SEMA5A: variants seen among roughly 807,000 people sequenced by gnomAD.
SEMA5A encodes the protein semaphorin 5A.
In SEMA5A, 55 loss-of-function variants were observed where a neutral mutation model predicts 135.5. That is an observed-to-expected ratio of 0.41 (90% CI 0.33 to 0.51). SEMA5A has a LOEUF of 0.51. Among genes scored for constraint, SEMA5A ranks in the 20% least tolerant of loss-of-function variants. The pLI, the probability that SEMA5A is intolerant of heterozygous loss-of-function variation, is 0.37. For missense variants in SEMA5A, 1,290 were observed against 1,419.9 expected, an observed-to-expected ratio of 0.91 and a Z score of 1.47; for synonymous variants, 580 against 546.5, an observed-to-expected ratio of 1.06 and a Z score of -0.85.
chr5:9,365,574 A>C (rs77685508), intron 3 of SEMA5A, among the ~76,000 whole-genome samples: 42 of 152,292 alleles, frequency 2.8e-4, no homozygotes, highest in African/African-American at 9.1e-4. Context: ...AGTGTACCCA[A>C]GATGAGTTCC....
At chr5:9,351,880 G>C (rs918937252) in intron 3 of SEMA5A, among the ~76,000 whole-genome samples, 1 of 152,172 alleles carries the variant, frequency 6.6e-6, no homozygotes, top group Non-Finnish European at 1.5e-5. Context: ...CTGTCTGCAA[G>C]GGTCTAGAGA....
At chr5:9,353,098 G>GAAAGGAAAGGA (rs1378151075) in intron 3 of SEMA5A, among the ~76,000 whole-genome samples, 446 of 21,768 alleles carry the variant, frequency 0.02, 110 homozygotes, top group Non-Finnish European at 0.027. Context: ...GGAAAGGAAG[G>GAAAGGAAAGGA]AAGGAAAGGA....
At chr5:9,444,939 C>G (rs1284124725) in intron 1 of SEMA5A, among the ~76,000 whole-genome samples, 1 of 152,208 alleles carries the variant, frequency 6.6e-6, no homozygotes, top group Non-Finnish European at 1.5e-5. Flanking sequence ...GTGTCTCTAG[C>G]AGGGACAGCA....
chr5:9,105,008 C>T (rs1739836133), intron 16 of SEMA5A, among the ~76,000 whole-genome samples: 1 of 152,216 alleles, frequency 6.6e-6, no homozygotes, highest in Admixed American at 6.5e-5. Flanking sequence ...TCATCAATTT[C>T]AGGGTCTGGC....
At chr5:9,379,647 T>C (rs1755508017) in intron 3 of SEMA5A, among the ~76,000 whole-genome samples, 176 bp downstream of exon 3, 1 of 152,222 alleles carries the variant, frequency 6.6e-6, no homozygotes, top group African/African-American at 2.4e-5. Flanking sequence ...AATCAGTTTC[T>C]GGATATGAAA....
chr5:9,104,544 C>G (rs1739803665), intron 16 of SEMA5A, among the ~76,000 whole-genome samples: 1 of 152,152 alleles, frequency 6.6e-6, no homozygotes, highest in African/African-American at 2.4e-5. Flanking sequence ...TTATAAATGT[C>G]TATGTTAGAC....
intron 6 of SEMA5A, among the ~76,000 whole-genome samples, chr5:9,234,128 G>A (rs1325610422): frequency 6.6e-6 from 1 of 152,196 alleles, no homozygotes; most frequent in African/African-American, 2.4e-5. Context: ...TTCACCCAAA[G>A]AGACGTTACC....
chr5:9,286,643 G>T (rs1485253283), intron 5 of SEMA5A, among the ~76,000 whole-genome samples: 19 of 152,032 alleles, frequency 1.2e-4, no homozygotes, highest in Admixed American at 1.2e-3. Context: ...CAAATAATAT[G>T]TTCCTTATTC....
At chr5:9,327,389 C>T (rs182534638) in intron 4 of SEMA5A, among the ~76,000 whole-genome samples, 89 of 152,182 alleles carry the variant, frequency 5.8e-4, no homozygotes, top group African/African-American at 2.1e-3. Context: ...ACCCATTCTC[C>T]CAGAATCATA....
At chr5:9,381,398 G>A (rs988655984) in intron 2 of SEMA5A, among the ~76,000 whole-genome samples, 1 of 152,188 alleles carries the variant, frequency 6.6e-6, no homozygotes, top group Admixed American at 6.5e-5. Context: ...CCCATTGAGA[G>A]CTGGATCTAT....
At chr5:9,452,949 A>C (rs1312214682) in intron 1 of SEMA5A, among the ~76,000 whole-genome samples, 1 of 152,160 alleles carries the variant, frequency 6.6e-6, no homozygotes, top group African/African-American at 2.4e-5. Flanking sequence ...AAAGCCTGTC[A>C]AATGACTCAA....
chr5:9,504,922 C>T (rs146245693), intron 1 of SEMA5A, among the ~76,000 whole-genome samples: 2 of 152,366 alleles, frequency 1.3e-5, no homozygotes, highest in African/African-American at 4.8e-5. Flanking sequence ...TTCCATTTTC[C>T]TCTCTGTTTT....
chr5:9,258,124 A>G (rs1199787640), intron 5 of SEMA5A, among the ~76,000 whole-genome samples: 1 of 152,176 alleles, frequency 6.6e-6, no homozygotes, highest in Non-Finnish European at 1.5e-5. Flanking sequence ...ATGGCATATT[A>G]CTAACATAAA....
intron 1 of SEMA5A, among the ~76,000 whole-genome samples, chr5:9,492,507 A>G (rs1028111518): frequency 5.9e-5 from 9 of 152,212 alleles, no homozygotes; most frequent in Non-Finnish European, 8.8e-5. Flanking sequence ...ACTCTGAGCA[A>G]GAAGTTAACA....
At chr5:9,197,832 C>T (rs1027751416) in intron 9 of SEMA5A, among the ~76,000 whole-genome samples, 3 of 149,210 alleles carry the variant, frequency 2.0e-5, no homozygotes, top group Non-Finnish European at 4.5e-5. Context: ...AAAAAATCAA[C>T]TCAAAGTATT....
intron 1 of SEMA5A, among the ~76,000 whole-genome samples, chr5:9,476,114 G>T (rs1253841962): frequency 6.6e-6 from 1 of 152,114 alleles, no homozygotes; most frequent in Non-Finnish European, 1.5e-5. Context: ...ATCATTCTAT[G>T]TAAAGGCCGT....
intron 2 of SEMA5A, among the ~76,000 whole-genome samples, chr5:9,436,929 C>T (rs995919283): frequency 2.0e-5 from 3 of 146,474 alleles, no homozygotes; most frequent in Admixed American, 1.4e-4. Flanking sequence ...AAGCACGATT[C>T]GTGGTGGGAA....
At chr5:9,242,758 A>G (rs554581854) in intron 5 of SEMA5A, among the ~76,000 whole-genome samples, 2 of 152,254 alleles carry the variant, frequency 1.3e-5, no homozygotes, top group Non-Finnish European at 1.5e-5. Flanking sequence ...CCCCAATAAC[A>G]TATGGGAAAA....
chr5:9,274,447 C>G (rs1270922619), intron 5 of SEMA5A, among the ~76,000 whole-genome samples: 1 of 152,128 alleles, frequency 6.6e-6, no homozygotes, highest in African/African-American at 2.4e-5. Context: ...CCAAGGATAT[C>G]CAGGACTTGA....
Sources: gnomAD v4.1 joint callset for allele counts (sites outside exome capture counted in the v4.1 genomes callset) on GRCh38, gnomAD v4.1.1 for gene constraint, MANE v1.5 for transcripts, NCBI Gene and HGNC (gene_info 2026-07-23, HGNC 2026-07-21) for gene names.